Variants in QTMAN observed in about 807,000 individuals in gnomAD.
QTMAN encodes the protein tRNA-queuosine alpha-mannosyltransferase.
At chr2:144,242,185 G>A in the QTMAN span, among the ~76,000 whole-genome samples, 1 of 152,046 alleles carries the variant, frequency 6.6e-6, no homozygotes, top group Non-Finnish European at 1.5e-5. Context: ...CTTAACTTTA[G>A]TACAGTAAAA....
At chr2:144,000,778 G>A in the QTMAN span, among the ~76,000 whole-genome samples, 11 of 152,120 alleles carry the variant, frequency 7.2e-5, no homozygotes, top group African/African-American at 7.2e-5. Context: ...GCCAGAGCAC[G>A]TGAACATCTT....
the QTMAN span, among the ~76,000 whole-genome samples, chr2:144,255,905 G>T: frequency 6.6e-6 from 1 of 152,208 alleles, no homozygotes; most frequent in Non-Finnish European, 1.5e-5. Context: ...ACACACCACT[G>T]GGGTGGGGGA....
chr2:144,118,385 G>A, the QTMAN span, among the ~76,000 whole-genome samples: 28 of 151,990 alleles, frequency 1.8e-4, no homozygotes, highest in Non-Finnish European at 4.4e-5. Context: ...ATGAACTGTT[G>A]AATGTAAAGA....
chr2:144,261,894 T>C, the QTMAN span, among the ~76,000 whole-genome samples: 15 of 152,276 alleles, frequency 9.9e-5, no homozygotes, highest in African/African-American at 3.4e-4. Context: ...CATATCAACA[T>C]AGAAGAATTC....
At chr2:143,940,766 T>G in the QTMAN span, 1 of 152,326 alleles carries the variant, frequency 6.6e-6, no homozygotes, top group Non-Finnish European at 1.5e-5. Flanking sequence ...GCTGCCTTTC[T>G]GATGAAGGGT....
chr2:144,050,211 G>A, the QTMAN span, among the ~76,000 whole-genome samples: 1 of 151,930 alleles, frequency 6.6e-6, no homozygotes, highest in Non-Finnish European at 1.5e-5. Flanking sequence ...ACTCTATGTA[G>A]ACAATAAGGT....
the QTMAN span, among the ~76,000 whole-genome samples, chr2:144,060,131 T>C: frequency 6.6e-6 from 1 of 152,010 alleles, no homozygotes; most frequent in African/African-American, 2.4e-5. Flanking sequence ...ACTTTTGATG[T>C]ATAGAGTTTG....
the QTMAN span, among the ~76,000 whole-genome samples, chr2:144,153,676 G>C: frequency 1.3e-5 from 2 of 152,190 alleles, no homozygotes; most frequent in African/African-American, 4.8e-5. Flanking sequence ...GGGCGACAGA[G>C]AGAGACTCCG....
chr2:144,021,075 A>C, the QTMAN span, among the ~76,000 whole-genome samples: 3 of 152,124 alleles, frequency 2.0e-5, no homozygotes, highest in African/African-American at 4.8e-5. Flanking sequence ...GTGTGGGAAG[A>C]AAATCAAAGA....
the QTMAN span, among the ~76,000 whole-genome samples, chr2:144,085,203 T>C: frequency 1.3e-5 from 2 of 152,224 alleles, no homozygotes; most frequent in Non-Finnish European, 1.5e-5. Flanking sequence ...AGAAAATAAA[T>C]GGGTGTGGCT....
At chr2:144,210,434 T>G in the QTMAN span, among the ~76,000 whole-genome samples, 2 of 152,174 alleles carry the variant, frequency 1.3e-5, no homozygotes, top group Non-Finnish European at 2.9e-5. Context: ...AGTTCAGTAA[T>G]TTTCAATCAT....
At chr2:144,243,797 A>G in the QTMAN span, among the ~76,000 whole-genome samples, 5 of 152,248 alleles carry the variant, frequency 3.3e-5, no homozygotes, top group Non-Finnish European at 5.9e-5. Context: ...AATATAAACT[A>G]TATATGACAA....
the QTMAN span, among the ~76,000 whole-genome samples, chr2:144,233,011 C>T: frequency 2.0e-4 from 31 of 152,222 alleles, 1 homozygote; most frequent in East Asian, 5.0e-3. Flanking sequence ...TGGAAGTTCA[C>T]TTGCTTATCT....
the QTMAN span, among the ~76,000 whole-genome samples, chr2:144,019,238 C>T: frequency 1.3e-5 from 2 of 152,262 alleles, no homozygotes; most frequent in East Asian, 1.9e-4. Context: ...ATGTTCAATC[C>T]TCCCTTGCCT....
the QTMAN span, among the ~76,000 whole-genome samples, chr2:143,989,918 G>A: frequency 6.6e-6 from 1 of 152,114 alleles, no homozygotes; most frequent in Non-Finnish European, 1.5e-5. Context: ...GGAAGCCTGT[G>A]AATCTATTAT....
chr2:144,019,437 T>G, the QTMAN span, among the ~76,000 whole-genome samples: 173 of 84,628 alleles, frequency 2.0e-3, 1 homozygote, highest in Middle Eastern at 0.013. Context: ...AGCATGCAGG[T>G]GTGTGTGTGT....
chr2:143,950,656 AATACTT>A, the QTMAN span, among the ~76,000 whole-genome samples: 1 of 151,674 alleles, frequency 6.6e-6, no homozygotes, highest in Admixed American at 6.6e-5. Context: ...CATTTGTACT[AATACTT>A]ATATTTCCTC....
At chr2:144,137,118 G>A in the QTMAN span, among the ~76,000 whole-genome samples, 1 of 152,170 alleles carries the variant, frequency 6.6e-6, no homozygotes, top group Non-Finnish European at 1.5e-5. Flanking sequence ...TCCTTTAGGG[G>A]AACACAGCTC....
At chr2:144,312,795 G>A in the QTMAN span, among the ~76,000 whole-genome samples, 5 of 152,092 alleles carry the variant, frequency 3.3e-5, no homozygotes. Context: ...ACAAGTGTTT[G>A]GCAAGTTCCT....
Sources: allele counts gnomAD v4.1 joint callset (sites outside exome capture counted in the v4.1 genomes callset), GRCh38; gene constraint gnomAD v4.1.1; transcripts MANE v1.5; gene names NCBI Gene and HGNC (gene_info 2026-07-23, HGNC 2026-07-21).